The following SERTAD2 variants were observed in gnomAD, a reference collection of about 807,000 sequenced individuals.
The protein encoded by SERTAD2 is SERTA domain containing 2.
A neutral mutation model predicts 15.4 loss-of-function variants in SERTAD2; 2 were observed. The observed-to-expected ratio is 0.13, with a 90% confidence interval of 0.05 to 0.41. The LOEUF is 0.41. Among genes scored for constraint, SERTAD2 ranks in the 10% least tolerant of loss-of-function variants. The pLI is 0.99. For synonymous variants in SERTAD2, 180 were observed against 178.0 expected (o/e 1.01, Z -0.09); for missense variants, 333 against 409.7 (o/e 0.81, Z 1.62).
At chr2:64,652,827 A>G (rs1310744907) in intron 1 of SERTAD2, among the ~76,000 whole-genome samples, 4 of 141,704 alleles carry the variant, frequency 2.8e-5, no homozygotes, top group African/African-American at 1.1e-4. Context: ...GCAATCTATT[A>G]CTACCACTTC....
intron 1 of SERTAD2, among the ~76,000 whole-genome samples, chr2:64,640,482 TC>T (rs1427406327): frequency 7.4e-5 from 11 of 148,398 alleles, no homozygotes; most frequent in African/African-American, 2.7e-4. Flanking sequence ...AGCCTCTCTT[TC>T]CTCAGGCACT....
chr2:64,653,454 C>G (rs1238146434), intron 1 of SERTAD2, among the ~76,000 whole-genome samples, 166 bp downstream of exon 1: 2 of 151,868 alleles, frequency 1.3e-5, no homozygotes, highest in Non-Finnish European at 2.9e-5. Context: ...AGGGAGCGCT[C>G]CTCCCGTACC....
At chr2:64,643,790 CG>C (rs1275415661) in intron 1 of SERTAD2, among the ~76,000 whole-genome samples, 2 of 152,072 alleles carry the variant, frequency 1.3e-5, no homozygotes, top group African/African-American at 4.8e-5. Context: ...GGCGTGAACC[CG>C]GGAGGCGGAG....
At chr2:64,647,118 G>A (rs1346028579) in intron 1 of SERTAD2, among the ~76,000 whole-genome samples, 1 of 152,182 alleles carries the variant, frequency 6.6e-6, no homozygotes, top group Non-Finnish European at 1.5e-5. Context: ...TAACCTTAGG[G>A]AGATGATGAA....
chr2:64,643,821 G>A (rs373345010), intron 1 of SERTAD2, among the ~76,000 whole-genome samples: 1 of 152,048 alleles, frequency 6.6e-6, no homozygotes, highest in Non-Finnish European at 1.5e-5. Context: ...AGCCGAGATC[G>A]CGCCACTGCA....
chr2:64,636,763 G>A lies in SERTAD2; in HGVS notation c.109C>T (p.Arg37Cys), dbSNP rs148864838. The A allele has an allele frequency of 1.6e-5, 26 of 1,614,056 alleles. No individual in the cohort carries two copies. Among genetic ancestry groups the A allele is most frequent in the South Asian group, 4.4e-5 (4 of 91,076 alleles). ...GPSKVSYTLQ[R>C]QTIFNISLMK... Reference sequence around the variant, plus strand: ...AGGGAAATGTTGAAGATAGTCTGGCGCTGTAAGGTGTAAGACACCTTGGAT... The same window carrying A: ...AGGGAAATGTTGAAGATAGTCTGGCACTGTAAGGTGTAAGACACCTTGGAT... Residue 37 changes from arginine (R) to cysteine (C), a missense_variant, in exon 2 of 2, where the codon CGC (arginine) becomes TGC (cysteine). By Grantham distance (180) the Arg-to-Cys change is radical. This residue lies in a region of SERTAD2 where 332 missense variants were observed against 392.9 expected (regional missense o/e 0.84). Transcript: ENST00000313349.
At position 64,636,084 on chromosome 2, in the gene SERTAD2, G is replaced by T. The variant is rs868593111; in HGVS notation, c.788C>A (p.Ser263Tyr). The change falls in exon 2 of 2, where the codon TCC (serine) becomes TAC (tyrosine). Residue 263 changes from serine (S) to tyrosine (Y), a missense_variant. This residue lies in a region of SERTAD2 where 332 missense variants were observed against 392.9 expected (regional missense o/e 0.84). Coordinates refer to ENST00000313349, the MANE Select transcript of SERTAD2 (RefSeq NM_014755.3). ...TSMYDFDPCT[S>Y]SSGTASKMAP... is the part of the protein sequence containing the mutation. ...CATTTTTGAGGCTGTCCCTGATGAG[G>T]AAGTGCAGGGGTCAAAATCATACAT... is the stretch of plus-strand genomic sequence containing the variant. 6.2e-7 allele frequency: 1 copy of T among 1,614,070 alleles called. No individual in the cohort carries two copies.
intron 1 of SERTAD2, among the ~76,000 whole-genome samples, chr2:64,651,108 AT>A (rs1675000219): frequency 6.6e-6 from 1 of 152,240 alleles, no homozygotes; most frequent in Non-Finnish European, 1.5e-5. Context: ...CTATCTATAT[AT>A]AGCTTTTTCC....
chr2:64,652,206 T>C (rs1675026591), intron 1 of SERTAD2, among the ~76,000 whole-genome samples: 2 of 152,192 alleles, frequency 1.3e-5, no homozygotes, highest in Non-Finnish European at 2.9e-5. Context: ...AGTTGGGATC[T>C]TAGGATGGAT....
chr2:64,637,639 G>C (rs750343528), intron 1 of SERTAD2, among the ~76,000 whole-genome samples: 3 of 152,196 alleles, frequency 2.0e-5, no homozygotes, highest in Non-Finnish European at 4.4e-5. Context: ...AATTAGCTCT[G>C]ATTATAAGCA....
At chr2:64,652,560 T>A (rs1004668165) in intron 1 of SERTAD2, among the ~76,000 whole-genome samples, 14 of 152,336 alleles carry the variant, frequency 9.2e-5, no homozygotes, top group Admixed American at 3.3e-4. Context: ...AAAGCGTATT[T>A]CATGAACAAA....
chr2:64,644,941 G>A (rs1317681920), intron 1 of SERTAD2: 1 of 151,874 alleles, frequency 6.6e-6, no homozygotes, highest in Non-Finnish European at 1.5e-5. Flanking sequence ...GGGAGAGACC[G>A]TCTCTGGCTT....
intron 1 of SERTAD2, among the ~76,000 whole-genome samples, chr2:64,639,150 T>C (rs1674719479): frequency 6.6e-6 from 1 of 152,280 alleles, no homozygotes; most frequent in Non-Finnish European, 1.5e-5. Flanking sequence ...GCAACATACT[T>C]AAATGTGTGA....
intron 1 of SERTAD2, among the ~76,000 whole-genome samples, chr2:64,653,019 T>C (rs1675046539): frequency 6.6e-6 from 1 of 152,180 alleles, no homozygotes; most frequent in African/African-American, 2.4e-5. Flanking sequence ...TGTAGATTTC[T>C]AACTTAAAAA....
intron 1 of SERTAD2, among the ~76,000 whole-genome samples, chr2:64,651,851 C>T (rs1357945981): frequency 6.6e-6 from 1 of 152,142 alleles, no homozygotes; most frequent in Non-Finnish European, 1.5e-5. Context: ...TGAGTCCTCT[C>T]CCTTACCTGT....
intron 1 of SERTAD2, among the ~76,000 whole-genome samples, chr2:64,653,415 G>C (rs1424344002): frequency 2.2e-4 from 34 of 151,450 alleles, no homozygotes; most frequent in Admixed American, 2.2e-3. Context: ...GGGGGTCCGA[G>C]AGCGCGGGGC....
chr2:64,647,481 G>C (rs1314805471), intron 1 of SERTAD2, among the ~76,000 whole-genome samples: 1 of 152,022 alleles, frequency 6.6e-6, no homozygotes, highest in Non-Finnish European at 1.5e-5. Flanking sequence ...CGGGCATAAT[G>C]AAAATATTTT....
intron 1 of SERTAD2, among the ~76,000 whole-genome samples, chr2:64,653,044 A>G (rs1424829998): frequency 1.3e-5 from 2 of 152,236 alleles, no homozygotes; most frequent in Non-Finnish European, 2.9e-5. Context: ...CGAGACGTTA[A>G]GTTTAATATA....
At chr2:64,645,525 A>G (rs185765530) in intron 1 of SERTAD2, among the ~76,000 whole-genome samples, 1 of 152,310 alleles carries the variant, frequency 6.6e-6, no homozygotes, top group East Asian at 1.9e-4. Context: ...CTCCTCTCAG[A>G]TTTTTACATG....
Sources: allele counts gnomAD v4.1 joint callset (sites outside exome capture counted in the v4.1 genomes callset), GRCh38; gene constraint gnomAD v4.1.1; regional missense constraint gnomAD v4.1.1; transcripts MANE v1.5; gene names NCBI Gene and HGNC (gene_info 2026-07-23, HGNC 2026-07-21).